The following ME3 variants were observed in gnomAD, a reference collection of about 807,000 sequenced individuals.
ME3 encodes NADP-dependent malic enzyme, mitochondrial.
Under a neutral mutation model 68.9 loss-of-function variants are expected in ME3, and 48 were observed. The ratio of observed to expected loss-of-function variants is 0.70; its 90% CI spans 0.55 to 0.89. The LOEUF is 0.89. ME3 is among the 40% of genes least tolerant of loss of function. ME3 has a pLI of 0.00. For synonymous variants in ME3, 320 were observed against 318.8 expected (o/e 1.00, Z -0.04); for missense variants, 675 against 797.4 (o/e 0.85, Z 1.85).
At chr11:86,484,887 G>A (rs2138908998) in intron 7 of ME3, among the ~76,000 whole-genome samples, 1 of 152,310 alleles carries the variant, frequency 6.6e-6, no homozygotes, top group South Asian at 2.1e-4. Context: ...GTTTTCTCTT[G>A]CATAAAATGG....
At position 86,575,006 on chromosome 11, in the gene ME3, G is replaced by A. The variant is rs941666723; in HGVS notation, c.184-15183C>T. Among the ~76,000 whole-genome samples, 6 of 148,132 alleles carry A rather than the reference G, an allele frequency of 4.1e-5. 1 individual carries two copies. The highest frequency in any genetic ancestry group is 8.9e-5 in the Non-Finnish European group (6 of 67,262). On this transcript the variant is annotated intron_variant, in intron 2 of 14. Transcript: ENST00000543262. ...GACAGGTTGTCCAGCCTGGGCAGGG[G>A]CCAACTTGTTCTCAGATGCAGCAAG...
At chr11:86,642,120 A>T (rs1015350603) in intron 2 of ME3, among the ~76,000 whole-genome samples, 45 of 152,260 alleles carry the variant, frequency 3.0e-4, no homozygotes, top group African/African-American at 1.1e-3. Context: ...ATGTTGCATG[A>T]ACTCCAAATC....
intron 4 of ME3, among the ~76,000 whole-genome samples, chr11:86,521,729 A>C (rs1482042689): frequency 2.6e-5 from 4 of 152,174 alleles, no homozygotes; most frequent in Non-Finnish European, 4.4e-5. Context: ...CACTCTCAAA[A>C]ACTCACTGAT....
At chr11:86,536,853 A>G (rs1222205318) in intron 4 of ME3, among the ~76,000 whole-genome samples, 1 of 152,228 alleles carries the variant, frequency 6.6e-6, no homozygotes, top group Non-Finnish European at 1.5e-5. Context: ...TTATTGCAGC[A>G]TTTTTCACAA....
intron 5 of ME3, among the ~76,000 whole-genome samples, chr11:86,503,638 T>G (rs1332913501): frequency 6.6e-6 from 1 of 152,246 alleles, no homozygotes; most frequent in Non-Finnish European, 1.5e-5. Flanking sequence ...TCAGGAAATC[T>G]AACCTCTGAC....
At chr11:86,637,685 A>G (rs193058591) in intron 2 of ME3, among the ~76,000 whole-genome samples, 1 of 152,246 alleles carries the variant, frequency 6.6e-6, no homozygotes, top group African/African-American at 2.4e-5. Context: ...TTTGTGCTGT[A>G]GGTGGGAGGA....
intron 2 of ME3, among the ~76,000 whole-genome samples, chr11:86,562,764 A>G (rs1402313333): frequency 6.6e-6 from 1 of 151,900 alleles, no homozygotes; most frequent in African/African-American, 2.4e-5. Flanking sequence ...CAGAGATCCC[A>G]TTACCCAGGT....
intron 7 of ME3, among the ~76,000 whole-genome samples, chr11:86,466,194 C>T (rs1291816055): frequency 1.3e-5 from 2 of 152,194 alleles, no homozygotes; most frequent in Non-Finnish European, 2.9e-5. Context: ...GGCTTCTGCA[C>T]ACAGATTTCC....
intron 11 of ME3, among the ~76,000 whole-genome samples, chr11:86,447,874 AAG>A (rs1555197727): frequency 7.2e-6 from 1 of 138,678 alleles, no homozygotes; most frequent in Admixed American, 7.2e-5. Context: ...AAAAAAAAAA[AAG>A]ACAGAGAGAA....
chr11:86,508,353 C>T (rs1258835395), intron 5 of ME3, among the ~76,000 whole-genome samples: 1 of 152,224 alleles, frequency 6.6e-6, no homozygotes, highest in Non-Finnish European at 1.5e-5. Flanking sequence ...GTCATTGCCT[C>T]TAGAAGAACA....
intron 7 of ME3, among the ~76,000 whole-genome samples, chr11:86,479,802 G>A (rs1323448518): frequency 7.1e-6 from 1 of 140,792 alleles, no homozygotes; most frequent in African/African-American, 2.7e-5. Context: ...TGAAGACACA[G>A]CTGATGTCTT....
chr11:86,471,899 G>A (rs17159928), intron 7 of ME3, among the ~76,000 whole-genome samples: 64,946 of 152,020 alleles, frequency 0.43, 14,221 homozygotes, highest in South Asian at 0.53. Flanking sequence ...GTTGAATGGG[G>A]ACACAGGAAA....
chr11:86,659,210 A>G (rs2135479686), intron 2 of ME3, among the ~76,000 whole-genome samples: 1 of 152,356 alleles, frequency 6.6e-6, no homozygotes, highest in South Asian at 2.1e-4. Context: ...TTAGGTTTGC[A>G]ACATACGTTG....
At chr11:86,509,082 G>A (rs966593592) in intron 4 of ME3, among the ~76,000 whole-genome samples, 4 of 152,224 alleles carry the variant, frequency 2.6e-5, no homozygotes, top group African/African-American at 9.6e-5. Flanking sequence ...GGGCCATGGG[G>A]TGTGCCCACA....
chr11:86,573,929 G>A (rs1185444998), intron 2 of ME3, among the ~76,000 whole-genome samples: 2 of 152,102 alleles, frequency 1.3e-5, no homozygotes, highest in Admixed American at 6.6e-5. Context: ...GTGATATGTT[G>A]CGTTTATTGA....
intron 2 of ME3, among the ~76,000 whole-genome samples, chr11:86,564,826 A>G (rs1235680046): frequency 1.3e-5 from 2 of 152,202 alleles, no homozygotes; most frequent in Non-Finnish European, 2.9e-5. Flanking sequence ...CTAGCAACAA[A>G]AGAAAAATTA....
chr11:86,525,601 G>A (rs891259785), intron 4 of ME3, among the ~76,000 whole-genome samples: 16 of 152,012 alleles, frequency 1.1e-4, no homozygotes, highest in African/African-American at 3.4e-4. Context: ...AGTGGCTCAC[G>A]CCTGTAGTCC....
intron 13 of ME3, 39 bp downstream of exon 13, chr11:86,446,275 C>T: frequency 6.2e-7 from 1 of 1,608,804 alleles, no homozygotes; most frequent in Non-Finnish European, 8.5e-7. Flanking sequence ...AACCCACAGA[C>T]CCTACTGCAA....
chr11:86,523,816 T>G (rs1218570481), intron 4 of ME3, among the ~76,000 whole-genome samples: 1 of 152,110 alleles, frequency 6.6e-6, no homozygotes, highest in Non-Finnish European at 1.5e-5. Flanking sequence ...AAAGGCGGAA[T>G]AGAAGGAAAT....
Sources: allele counts gnomAD v4.1 joint callset (sites outside exome capture counted in the v4.1 genomes callset), GRCh38; gene constraint gnomAD v4.1.1; transcripts MANE v1.5; gene names NCBI Gene and HGNC (gene_info 2026-07-23, HGNC 2026-07-21).